Variants in SH3D19 observed in about 807,000 individuals in gnomAD.
The protein encoded by SH3D19 is SH3 domain-containing protein 19.
In SH3D19, 58 loss-of-function variants were observed where a neutral mutation model predicts 112.1. That is an observed-to-expected ratio of 0.52 (90% confidence interval 0.42 to 0.64). The LOEUF is 0.64. Ranked by LOEUF, SH3D19 falls within the 30% of genes least tolerant of loss-of-function variation. The pLI, the probability that SH3D19 is intolerant of heterozygous loss-of-function variation, is 0.00. For missense variants in SH3D19, 1,090 were observed against 1,263.4 expected, an observed-to-expected ratio of 0.86 and a Z score of 2.08; for synonymous variants, 391 against 448.5, an observed-to-expected ratio of 0.87 and a Z score of 1.62.
rs17027505 is a variant in SH3D19 at position 151,282,285 on chromosome 4, T to C, written c.112+42956A>G. The C allele has an allele frequency of 7.0e-3, 11,277 of 1,613,928 alleles. 626 individuals are homozygous for C. In the African/African-American group the frequency reaches 0.13, roughly 18 times the overall value. On this transcript the variant is annotated intron_variant, in intron 1 of 19. Coordinates refer to ENST00000604030, the MANE Select transcript of SH3D19 (RefSeq NM_001378122.1). ...GATACAACGGCAGACGTCGCCTTGT[T>C]GAAACTGTCCTCTCAAGTCACCTTC...
chr4:151,180,411 C>CTTTTTTTTTTTT (rs367719721), intron 3 of SH3D19, among the ~76,000 whole-genome samples: 2 of 130,764 alleles, frequency 1.5e-5, no homozygotes, highest in Non-Finnish European at 3.1e-5. Flanking sequence ...ATTTTTTTTT[C>CTTTTTTTTTTTT]TTTTTTTTTT....
intron 1 of SH3D19, among the ~76,000 whole-genome samples, chr4:151,237,317 C>T (rs1462428216): frequency 1.3e-5 from 2 of 152,160 alleles, no homozygotes; most frequent in Non-Finnish European, 2.9e-5. Context: ...TATATTTTTT[C>T]TTTAATTCTA....
intron 1 of SH3D19, chr4:151,226,537 A>G (rs889349236): frequency 4.4e-6 from 4 of 911,292 alleles, no homozygotes; most frequent in Admixed American, 6.2e-5. Context: ...TGCAAATACT[A>G]AGACCAATAC....
intron 1 of SH3D19, among the ~76,000 whole-genome samples, chr4:151,319,791 A>C (rs113973247): frequency 3.3e-5 from 5 of 152,332 alleles, no homozygotes; most frequent in African/African-American, 9.6e-5. Flanking sequence ...GCCCTTCATA[A>C]ATAGAAAAGC....
intron 1 of SH3D19, among the ~76,000 whole-genome samples, chr4:151,271,035 C>T (rs1230887784): frequency 6.6e-6 from 1 of 152,104 alleles, no homozygotes; most frequent in Non-Finnish European, 1.5e-5. Flanking sequence ...GCAATCCTCC[C>T]ACCTCAGCCT....
intron 8 of SH3D19, among the ~76,000 whole-genome samples, chr4:151,164,963 A>G (rs1024618871): frequency 6.6e-6 from 1 of 152,236 alleles, no homozygotes; most frequent in Non-Finnish European, 1.5e-5. Context: ...ATTTGAGATT[A>G]TGCTGATTGC....
intron 1 of SH3D19, among the ~76,000 whole-genome samples, chr4:151,323,401 G>C (rs1730743176): frequency 6.6e-6 from 1 of 152,196 alleles, no homozygotes; most frequent in Non-Finnish European, 1.5e-5. Context: ...ATCTAGCACA[G>C]ACATAACTAA....
At chr4:151,291,441 C>G in intron 1 of SH3D19, 1 of 1,606,848 alleles carries the variant, frequency 6.2e-7, no homozygotes, top group Non-Finnish European at 8.5e-7. Context: ...GATTTAGTCC[C>G]AGGGGCAGAT....
chr4:151,251,474 A>G (rs558215325), intron 1 of SH3D19, among the ~76,000 whole-genome samples: 14 of 152,308 alleles, frequency 9.2e-5, no homozygotes, highest in Non-Finnish European at 2.9e-5. Context: ...TGCTGGGATT[A>G]CAGGTGTGAG....
At chr4:151,222,333 C>A (rs1768191676) in intron 2 of SH3D19, among the ~76,000 whole-genome samples, 1 of 152,188 alleles carries the variant, frequency 6.6e-6, no homozygotes, top group Non-Finnish European at 1.5e-5. Context: ...TTCATCTATT[C>A]ACCAATTATT....
chr4:151,219,399 G>A (rs1216933447), intron 2 of SH3D19, among the ~76,000 whole-genome samples: 2 of 152,036 alleles, frequency 1.3e-5, no homozygotes, highest in Non-Finnish European at 2.9e-5. Context: ...AGTTGAGCCC[G>A]ACCTAACTCC....
intron 1 of SH3D19, among the ~76,000 whole-genome samples, chr4:151,245,865 T>C (rs1770909546): frequency 6.6e-6 from 1 of 152,174 alleles, no homozygotes; most frequent in Admixed American, 6.5e-5. Context: ...CCTCCCAAAG[T>C]GCTGGGATTT....
At chr4:151,268,858 G>A (rs28767036) in intron 1 of SH3D19, among the ~76,000 whole-genome samples, 48,555 of 151,018 alleles carry the variant, frequency 0.32, 9,224 homozygotes, top group Non-Finnish European at 0.44. Context: ...CATTTGGGTT[G>A]GTTCCAAGTC....
At chr4:151,229,716 C>T (rs978816010) in intron 1 of SH3D19, among the ~76,000 whole-genome samples, 1 of 152,108 alleles carries the variant, frequency 6.6e-6, no homozygotes, top group African/African-American at 2.4e-5. Flanking sequence ...AGTTTGGGAC[C>T]AGCCTGGCCA....
chr4:151,208,066 T>C (rs1274126281), intron 2 of SH3D19, among the ~76,000 whole-genome samples: 1 of 152,222 alleles, frequency 6.6e-6, no homozygotes, highest in Non-Finnish European at 1.5e-5. Flanking sequence ...CAAACATTAA[T>C]TTACACGTCA....
rs114890795 is a variant in SH3D19, at chr4:151,314,359, C to T, written c.112+10882G>A. Among the ~76,000 whole-genome samples the T allele has an allele frequency of 3.3e-3, 496 of 152,276 alleles. 2 individuals are homozygous for T. The highest frequency in any genetic ancestry group is 0.011 in the African/African-American group (470 of 41,546). Reference sequence around the variant, plus strand: ...CCACTTGCCCAAGGATGGCCACAACCACTTCAAAAACTACACATCACACAT... The same window carrying T: ...CCACTTGCCCAAGGATGGCCACAACTACTTCAAAAACTACACATCACACAT... On this transcript the variant is annotated intron_variant, in intron 1 of 19. Transcript: ENST00000604030.
intron 1 of SH3D19, chr4:151,291,077 C>T: frequency 1.4e-6 from 2 of 1,465,518 alleles, no homozygotes; most frequent in Admixed American, 1.8e-5. Flanking sequence ...CTTCTTTATG[C>T]CTCTTTTCAC....
At chr4:151,241,698 T>C (rs1401899115) in intron 1 of SH3D19, among the ~76,000 whole-genome samples, 2 of 151,742 alleles carry the variant, frequency 1.3e-5, no homozygotes, top group African/African-American at 2.4e-5. Flanking sequence ...CCCAGCTAAA[T>C]TGTACACTTT....
At chr4:151,186,629 T>A (rs1761824420) in intron 3 of SH3D19, among the ~76,000 whole-genome samples, 1 of 151,020 alleles carries the variant, frequency 6.6e-6, no homozygotes, top group Admixed American at 6.6e-5. Context: ...AGACGAGGTT[T>A]CACCATGTTG....
Sources: gnomAD v4.1 joint callset for allele counts (sites outside exome capture counted in the v4.1 genomes callset) on GRCh38, gnomAD v4.1.1 for gene constraint, MANE v1.5 for transcripts, NCBI Gene and HGNC (gene_info 2026-07-23, HGNC 2026-07-21) for gene names.